The following ABCG1 variants were observed in gnomAD, a reference collection of about 807,000 sequenced individuals.
ABCG1 encodes the protein ATP binding cassette subfamily G member 1, also known as ATP-binding cassette sub-family G member 1.
Under a neutral mutation model 69.2 loss-of-function variants are expected in ABCG1, and 29 were observed. That is an observed-to-expected ratio of 0.42 (90% CI 0.31 to 0.57). ABCG1 has a LOEUF of 0.57. Ranked by LOEUF, ABCG1 falls within the 20% of genes least tolerant of loss-of-function variation. The pLI is 0.15. For missense variants in ABCG1, 718 were observed against 898.1 expected, an observed-to-expected ratio of 0.80 and a Z score of 2.56; for synonymous variants, 370 against 374.8, an observed-to-expected ratio of 0.99 and a Z score of 0.15.
intron 2 of ABCG1, among the ~76,000 whole-genome samples, chr21:42,209,454 G>C (rs1421759495): frequency 4.6e-5 from 7 of 152,208 alleles, no homozygotes; most frequent in Non-Finnish European, 8.8e-5. Context: ...AATGATGTTA[G>C]AGCAAAGCAA....
intron 5 of ABCG1, among the ~76,000 whole-genome samples, chr21:42,281,658 A>G (rs969747470): frequency 6.6e-6 from 1 of 152,094 alleles, no homozygotes; most frequent in Non-Finnish European, 1.5e-5. Context: ...CCTATTTACA[A>G]GAACAAAAGT....
chr21:42,249,589 C>A (rs1210250901), intron 2 of ABCG1, among the ~76,000 whole-genome samples: 1 of 152,176 alleles, frequency 6.6e-6, no homozygotes, highest in Non-Finnish European at 1.5e-5. Context: ...AGCTTAGAAT[C>A]GTGCCCTGCG....
intron 1 of ABCG1, among the ~76,000 whole-genome samples, chr21:42,221,640 G>A (rs1381372959): frequency 1.3e-5 from 2 of 152,292 alleles, no homozygotes; most frequent in East Asian, 1.9e-4. Context: ...CTGGGCAGTC[G>A]CCTTGGGGGC....
At chr21:42,261,712 C>T (rs1322413125) in intron 2 of ABCG1, among the ~76,000 whole-genome samples, 1 of 152,216 alleles carries the variant, frequency 6.6e-6, no homozygotes, top group Admixed American at 6.5e-5. Flanking sequence ...TGGTGAAACA[C>T]GCTGCAACCT....
intron 3 of ABCG1, 91 bp downstream of exon 3, chr21:42,271,278 T>C (rs897659453): frequency 5.0e-6 from 4 of 805,648 alleles, no homozygotes; most frequent in Admixed American, 6.1e-5. Flanking sequence ...CCCCATCACC[T>C]GGAGCAGGCT....
intron 2 of ABCG1, among the ~76,000 whole-genome samples, chr21:42,254,605 C>T (rs1407701268): frequency 6.6e-6 from 1 of 152,252 alleles, no homozygotes; most frequent in Non-Finnish European, 1.5e-5. Context: ...GAGGATTGAT[C>T]AGCGCGTGGC....
chr21:42,289,617 G>A (rs1434263242), intron 10 of ABCG1, among the ~76,000 whole-genome samples: 1 of 152,178 alleles, frequency 6.6e-6, no homozygotes, highest in Non-Finnish European at 1.5e-5. Context: ...GCCTGGCATG[G>A]CTTCTGGGAC....
Position 42,296,279 on chromosome 21 carries a change from G to A in ABCG1, c.1888G>A (p.Asp630Asn). ...QKSEAILRELDVENAKLYLDF... is the reference protein window; with the variant it reads ...QKSEAILRELNVENAKLYLDF... ...GTCGGAGGCCATCCTGCGGGAGCTGGACGTGGAAAATGCCAAGCTGTACCT... is the reference window on the plus strand; with the variant it reads ...GTCGGAGGCCATCCTGCGGGAGCTGAACGTGGAAAATGCCAAGCTGTACCT... Residue 630 changes from aspartate (D) to asparagine (N), a missense_variant, in exon 15 of 15, where the codon GAC becomes AAC. Physicochemically the swap from Asp to Asn is conservative, Grantham distance 23. Transcript: ENST00000398449. This position sits in a 1 kb window ranked among gnomAD's most constrained non-coding sequence, Gnocchi z 5.4. The A allele has an allele frequency of 6.2e-7, 1 of 1,614,166 alleles. No homozygotes were observed. Among genetic ancestry groups the A allele is most frequent in the Non-Finnish European group, 8.5e-7 (1 of 1,180,030 alleles).
At position 42,219,199 on chromosome 21, in the gene ABCG1, G is replaced by C. The variant is rs1343307213; in HGVS notation, c.-64G>C. 15 of 1,360,912 alleles carry C rather than the reference G, an allele frequency of 1.1e-5. No individual in the cohort carries two copies. The East Asian group carries it at 1.3e-4, about 12-fold the overall frequency. 84.3% of individuals were successfully genotyped at this position (1,360,912 alleles called of 1,614,324 possible). Reference sequence around the variant, plus strand: ...CTGAGCCGGGAGCCAGCGCAGCCTCGGCCCCGCAGCTCAAGCCTCGTCCCC... The same window carrying C: ...CTGAGCCGGGAGCCAGCGCAGCCTCCGCCCCGCAGCTCAAGCCTCGTCCCC... On this transcript the variant is annotated 5_prime_UTR_variant, in exon 1 of 15. Transcript: ENST00000398449. This position sits in a 1 kb window ranked among gnomAD's most constrained non-coding sequence, Gnocchi z 5.3.
intron 2 of ABCG1, among the ~76,000 whole-genome samples, chr21:42,241,459 G>T (rs542243571): frequency 1.3e-5 from 2 of 152,070 alleles, no homozygotes; most frequent in South Asian, 4.2e-4. Context: ...ACAAAAATTA[G>T]CTGGGCATGA....
chr21:42,263,254 G>T (rs953207209), intron 2 of ABCG1, among the ~76,000 whole-genome samples: 1 of 152,186 alleles, frequency 6.6e-6, no homozygotes, highest in African/African-American at 2.4e-5. Flanking sequence ...ATCTCAGAAA[G>T]GTGCCTTGAC....
At chr21:42,229,314 T>C (rs2067866808) in intron 2 of ABCG1, among the ~76,000 whole-genome samples, 1 of 152,260 alleles carries the variant, frequency 6.6e-6, no homozygotes, top group Admixed American at 6.5e-5. Context: ...TTTTCAACTT[T>C]TAAAAATTCA....
chr21:42,207,565 A>G (rs1349235681), intron 2 of ABCG1, among the ~76,000 whole-genome samples: 1 of 152,152 alleles, frequency 6.6e-6, no homozygotes, highest in Non-Finnish European at 1.5e-5. Flanking sequence ...TCCTCTTTGC[A>G]TTGGCATGCA....
chr21:42,279,225 G>GCT (rs1335843812), intron 5 of ABCG1, among the ~76,000 whole-genome samples: 1 of 151,762 alleles, frequency 6.6e-6, no homozygotes, highest in Non-Finnish European at 1.5e-5. Context: ...GGTCACTGAT[G>GCT]CTCGGCGTGG....
At chr21:42,234,298 G>A (rs914064099) in intron 2 of ABCG1, among the ~76,000 whole-genome samples, 3 of 152,138 alleles carry the variant, frequency 2.0e-5, no homozygotes, top group African/African-American at 7.2e-5. Flanking sequence ...TCATCTCTTT[G>A]CAATCGCTCA....
intron 2 of ABCG1, among the ~76,000 whole-genome samples, chr21:42,209,472 G>A (rs2123470285): frequency 6.6e-6 from 1 of 152,338 alleles, no homozygotes; most frequent in East Asian, 1.9e-4. Flanking sequence ...CAATATTAGT[G>A]AGATGCTGGA....
chr21:42,236,112 G>A lies in ABCG1; in HGVS notation c.286+10198G>A, dbSNP rs150904022. Reference sequence around the variant, plus strand: ...CATGTCTGAGCCTTCTCTGGGGTCAGCACTGAAAAGTGGCCAGGGTGGGGT... The same window carrying A: ...CATGTCTGAGCCTTCTCTGGGGTCAACACTGAAAAGTGGCCAGGGTGGGGT... On this transcript the variant is annotated intron_variant, in intron 2 of 14. Coordinates refer to ENST00000398449, the MANE Select transcript of ABCG1 (RefSeq NM_016818.3). Among the ~76,000 whole-genome samples, 310 of 152,350 alleles carry A rather than the reference G, an allele frequency of 2.0e-3. 2 individuals are homozygous for A. Among genetic ancestry groups the A allele is most frequent in the African/African-American group, 7.2e-3 (300 of 41,586 alleles).
At chr21:42,281,155 G>A (rs552232055) in intron 5 of ABCG1, among the ~76,000 whole-genome samples, 1 of 152,354 alleles carries the variant, frequency 6.6e-6, no homozygotes, top group South Asian at 2.1e-4. Flanking sequence ...CAGAAGCTCA[G>A]AGTGGAAATT....
intron 2 of ABCG1, among the ~76,000 whole-genome samples, chr21:42,239,800 G>A (rs566358863): frequency 4.6e-5 from 7 of 152,334 alleles, no homozygotes; most frequent in East Asian, 1.9e-4. Flanking sequence ...TGGCTAATAC[G>A]ATGGCTACTG....
Sources: allele counts gnomAD v4.1 joint callset (sites outside exome capture counted in the v4.1 genomes callset), GRCh38; gene constraint gnomAD v4.1.1; non-coding constraint Gnocchi (gnomAD v3.1); transcripts MANE v1.5; gene names NCBI Gene and HGNC (gene_info 2026-07-23, HGNC 2026-07-21).